PTPRD: variants seen among roughly 807,000 people sequenced by gnomAD.
PTPRD encodes the protein receptor-type tyrosine-protein phosphatase delta.
In PTPRD, 34 loss-of-function variants were observed where a neutral mutation model predicts 214.5. The observed-to-expected ratio is 0.16, with a 90% CI of 0.12 to 0.21. PTPRD has a LOEUF of 0.21. Among genes scored for constraint, PTPRD ranks in the 10% least tolerant of loss-of-function variants. PTPRD has a pLI of 1.00. For synonymous variants in PTPRD, 1,128 were observed against 845.7 expected, an observed-to-expected ratio of 1.33 and a Z score of -5.79; for missense variants, 2,545 against 2,398.7, an observed-to-expected ratio of 1.06 and a Z score of -1.27.
In PTPRD at chr9:9,992,393, G is replaced by A. The variant is rs534065204; in HGVS notation, c.-472+41325C>T. The stretch of plus-strand genomic sequence containing the variant: ...CAACCATTGTGGAAGCCAGTGTGGC[G>A]ATTCCTCAAGGATCTAGAACTAGAA... On this transcript the variant is annotated intron_variant, in intron 4 of 45. Transcript: ENST00000381196. 2.1e-4 allele frequency among the ~76,000 whole-genome samples: 32 copies of A among 152,166 alleles called. 1 individual carries two copies. Among genetic ancestry groups the A allele is most frequent in the Admixed American group, 3.3e-4 (5 of 15,280 alleles).
At chr9:10,474,500 G>A (rs4642703) in intron 2 of PTPRD, among the ~76,000 whole-genome samples, 29 of 152,164 alleles carry the variant, frequency 1.9e-4, no homozygotes, top group Admixed American at 1.8e-3. Flanking sequence ...CAAATTCTTA[G>A]AGACCTACAA....
intron 7 of PTPRD, among the ~76,000 whole-genome samples, chr9:9,707,390 G>C (rs1345916018): frequency 1.3e-5 from 2 of 152,132 alleles, no homozygotes; most frequent in East Asian, 3.8e-4. Context: ...TCAGAGATGA[G>C]ATATATTTCA....
At chr9:9,824,603 G>A (rs905120847) in intron 5 of PTPRD, among the ~76,000 whole-genome samples, 1 of 151,898 alleles carries the variant, frequency 6.6e-6, no homozygotes, top group Non-Finnish European at 1.5e-5. Flanking sequence ...GTGAGTATGA[G>A]ACCTAGTCTT....
At chr9:9,910,202 G>A (rs1427542764) in intron 5 of PTPRD, among the ~76,000 whole-genome samples, 1 of 151,926 alleles carries the variant, frequency 6.6e-6, no homozygotes, top group Non-Finnish European at 1.5e-5. Flanking sequence ...TCCTGGCATA[G>A]AATAAATGTT....
intron 5 of PTPRD, among the ~76,000 whole-genome samples, chr9:9,903,430 A>T (rs968811820): frequency 6.6e-6 from 1 of 152,118 alleles, no homozygotes; most frequent in African/African-American, 2.4e-5. Context: ...CAGTTTCACA[A>T]GTTGGTGAGA....
intron 8 of PTPRD, among the ~76,000 whole-genome samples, chr9:9,521,458 C>T (rs937953912): frequency 1.3e-5 from 2 of 152,144 alleles, no homozygotes; most frequent in African/African-American, 2.4e-5. Context: ...ATTACTTCAG[C>T]ATTTCCCAGG....
chr9:8,893,881 A>G (rs1310175103), intron 11 of PTPRD, among the ~76,000 whole-genome samples: 2 of 152,208 alleles, frequency 1.3e-5, no homozygotes, highest in Admixed American at 6.5e-5. Flanking sequence ...CTATTTATGA[A>G]AAATTCAAAT....
chr9:9,997,668 T>C (rs2154087376), intron 4 of PTPRD, among the ~76,000 whole-genome samples: 1 of 152,258 alleles, frequency 6.6e-6, no homozygotes, highest in East Asian at 1.9e-4. Flanking sequence ...TTGGTAAGGC[T>C]TTTTCTTTTA....
At chr9:9,593,994 T>C (rs187493782) in intron 7 of PTPRD, among the ~76,000 whole-genome samples, 24 of 152,132 alleles carry the variant, frequency 1.6e-4, no homozygotes, top group Admixed American at 3.3e-4. Flanking sequence ...TATGACAATA[T>C]AGGATAGTAC....
At chr9:8,330,106 C>T (rs546058846) in intron 44 of PTPRD, among the ~76,000 whole-genome samples, 15 of 152,220 alleles carry the variant, frequency 9.9e-5, no homozygotes, top group South Asian at 4.1e-4. Flanking sequence ...CAGTCTCTCA[C>T]GGCTTCCCTT....
intron 4 of PTPRD, among the ~76,000 whole-genome samples, chr9:9,943,488 T>C (rs1010905581): frequency 6.6e-5 from 10 of 152,314 alleles, no homozygotes; most frequent in Admixed American, 5.2e-4. Context: ...AATTATGTTA[T>C]TGAACAAATC....
At chr9:10,187,353 G>A (rs1236178800) in intron 3 of PTPRD, among the ~76,000 whole-genome samples, 1 of 152,078 alleles carries the variant, frequency 6.6e-6, no homozygotes, top group Non-Finnish European at 1.5e-5. Context: ...CATCTACATT[G>A]CCTAGATATA....
At chr9:9,044,152 A>G (rs1374974719) in intron 10 of PTPRD, among the ~76,000 whole-genome samples, 2 of 152,180 alleles carry the variant, frequency 1.3e-5, no homozygotes, top group Non-Finnish European at 2.9e-5. Context: ...ATGAACTTCC[A>G]TTCTGTTTTT....
chr9:9,021,662 G>C (rs1454121934), intron 10 of PTPRD, among the ~76,000 whole-genome samples: 2 of 152,020 alleles, frequency 1.3e-5, no homozygotes, highest in Non-Finnish European at 2.9e-5. Context: ...CTTCTAGTGG[G>C]ACAAGATGTA....
chr9:10,054,411 C>T (rs1164255704), intron 3 of PTPRD, among the ~76,000 whole-genome samples: 1 of 152,074 alleles, frequency 6.6e-6, no homozygotes, highest in East Asian at 1.9e-4. Flanking sequence ...TTGCCTAGAA[C>T]CAAGATGCCC....
chr9:10,214,694 C>T (rs1358880086), intron 3 of PTPRD, among the ~76,000 whole-genome samples: 1 of 151,994 alleles, frequency 6.6e-6, no homozygotes, highest in Non-Finnish European at 1.5e-5. Context: ...TCCTTCAGTC[C>T]AGCATTTTAT....
intron 31 of PTPRD, among the ~76,000 whole-genome samples, chr9:8,469,966 T>C (rs925561194): frequency 6.6e-6 from 1 of 152,142 alleles, no homozygotes; most frequent in Non-Finnish European, 1.5e-5. Flanking sequence ...CATCTCTCTG[T>C]AATGTAGGTA....
rs771622736 is a variant in PTPRD, at chr9:8,471,052, T to C, written c.3447A>G (p.Lys1149=). ...ATGGCTTGATAAATTTCCCGCGAGA[T>C]TTCTTCAAAGGCACAATTATTATGT... ...GYYIIIVPLK[K]SRGKFIKPWE... Residue 1149 remains lysine (K), a synonymous_variant, in exon 31 of 46, where the codon AAA becomes AAG. Coordinates refer to ENST00000381196, the MANE Select transcript of PTPRD (RefSeq NM_002839.4). 3 of 1,613,360 alleles carry C rather than the reference T, an allele frequency of 1.9e-6. No homozygotes were observed. The highest frequency in any genetic ancestry group is 8.5e-7 in the Non-Finnish European group (1 of 1,179,530).
intron 10 of PTPRD, among the ~76,000 whole-genome samples, chr9:9,062,406 A>G (rs2099709159): frequency 6.6e-6 from 1 of 152,188 alleles, no homozygotes; most frequent in Non-Finnish European, 1.5e-5. Flanking sequence ...GGAAGAAATT[A>G]ATAATTTCTT....
Sources: gnomAD v4.1 joint callset for allele counts (sites outside exome capture counted in the v4.1 genomes callset) on GRCh38, gnomAD v4.1.1 for gene constraint, MANE v1.5 for transcripts, NCBI Gene and HGNC (gene_info 2026-07-23, HGNC 2026-07-21) for gene names.